The following MARCHF1 variants were observed in gnomAD, a reference collection of about 807,000 sequenced individuals.
MARCHF1 encodes the protein membrane associated ring-CH-type finger 1, also known as E3 ubiquitin-protein ligase MARCHF1.
A neutral mutation model predicts 54.2 loss-of-function variants in MARCHF1; 40 were observed. The observed-to-expected ratio is 0.74, with a 90% CI of 0.57 to 0.96. The LOEUF (loss-of-function observed/expected upper bound fraction) is 0.96. Among genes scored for constraint, MARCHF1 ranks in the 40% least tolerant of loss-of-function variants. The pLI, the probability that MARCHF1 is intolerant of heterozygous loss-of-function variation, is 0.00. For missense variants in MARCHF1, 586 were observed against 656.5 expected, an observed-to-expected ratio of 0.89 and a Z score of 1.17; for synonymous variants, 236 against 236.3, an observed-to-expected ratio of 1.00 and a Z score of 0.01.
At chr4:163,882,467 G>A (rs1196111471) in intron 3 of MARCHF1, among the ~76,000 whole-genome samples, 1 of 152,276 alleles carries the variant, frequency 6.6e-6, no homozygotes, top group South Asian at 2.1e-4. Flanking sequence ...TATGATATTA[G>A]GAGAGGGATT....
intron 1 of MARCHF1, among the ~76,000 whole-genome samples, chr4:164,247,876 C>G (rs1733002172): frequency 6.7e-6 from 1 of 149,712 alleles, no homozygotes; most frequent in Admixed American, 6.7e-5. Context: ...TTCAAGGGAG[C>G]AGAATTAGGC....
At chr4:163,768,339 T>C (rs1747052139) in intron 4 of MARCHF1, among the ~76,000 whole-genome samples, 2 of 152,194 alleles carry the variant, frequency 1.3e-5, no homozygotes, top group African/African-American at 4.8e-5. Context: ...CGTCTCTTGT[T>C]GAAAAGAACA....
chr4:163,539,070 G>T (rs548690136), intron 9 of MARCHF1, among the ~76,000 whole-genome samples: 3 of 151,762 alleles, frequency 2.0e-5, no homozygotes, highest in African/African-American at 7.3e-5. Context: ...ACCCAAGCTG[G>T]AGTGCAGTGG....
intron 1 of MARCHF1, among the ~76,000 whole-genome samples, chr4:164,368,762 A>T (rs1157812244): frequency 6.6e-6 from 1 of 152,234 alleles, no homozygotes; most frequent in Non-Finnish European, 1.5e-5. Context: ...TTCACAAGAA[A>T]ATAAATATGA....
intron 3 of MARCHF1, among the ~76,000 whole-genome samples, chr4:163,912,813 C>G (rs1751223932): frequency 6.6e-6 from 1 of 152,176 alleles, no homozygotes. Context: ...AAATGTATTT[C>G]TGCAGGAATA....
chr4:163,910,777 G>A (rs1417251617), intron 3 of MARCHF1, among the ~76,000 whole-genome samples: 2 of 152,186 alleles, frequency 1.3e-5, no homozygotes, highest in Non-Finnish European at 2.9e-5. Flanking sequence ...GATTACGGGC[G>A]TGAGCCACCA....
chr4:163,697,648 G>A (rs868075006), intron 5 of MARCHF1, among the ~76,000 whole-genome samples: 4 of 152,234 alleles, frequency 2.6e-5, no homozygotes, highest in South Asian at 2.1e-4. Flanking sequence ...CATTCTAGAT[G>A]GAGTCCTTTG....
At chr4:164,031,590 A>T (rs1420568080) in intron 2 of MARCHF1, among the ~76,000 whole-genome samples, 2 of 152,016 alleles carry the variant, frequency 1.3e-5, no homozygotes, top group Non-Finnish European at 2.9e-5. Flanking sequence ...TGAGATAATC[A>T]TGTGATTTTT....
intron 5 of MARCHF1, among the ~76,000 whole-genome samples, chr4:163,620,264 CA>C (rs1221803268): frequency 6.6e-6 from 1 of 152,076 alleles, no homozygotes; most frequent in Non-Finnish European, 1.5e-5. Context: ...TGATAATACC[CA>C]GTGTAGCCGA....
At position 164,176,974 on chromosome 4, in the gene MARCHF1, CTCT is replaced by C. The variant is rs1560940580; in HGVS notation, c.-322-65315_-322-65313del. ...TCTCTCTCTCTCTCTCTCTCTCTCT[CTCT>C]CTCTATATATATATATATATATATA... On this transcript the variant is annotated intron_variant, in intron 1 of 9. Coordinates refer to ENST00000514618, the MANE Select transcript of MARCHF1 (RefSeq NM_001394959.1). Among the ~76,000 whole-genome samples, 65 of 29,966 alleles carry C rather than the reference CTCT, an allele frequency of 2.2e-3. 5 individuals carry two copies. The highest frequency in any genetic ancestry group is 3.4e-3 in the South Asian group (3 of 874). 19.7% of individuals were successfully genotyped at this position (29,966 alleles called of 152,430 possible). A position where few individuals can be genotyped will look rare whatever the true frequency, so the allele number is the denominator to read the frequency against.
intron 3 of MARCHF1, among the ~76,000 whole-genome samples, chr4:163,914,961 T>C (rs1311678763): frequency 6.6e-6 from 1 of 152,124 alleles, no homozygotes. Flanking sequence ...GGGGCAGGGA[T>C]AGTGGCCAAA....
intron 2 of MARCHF1, among the ~76,000 whole-genome samples, chr4:164,067,168 A>G (rs1016450417): frequency 1.3e-5 from 2 of 152,188 alleles, no homozygotes; most frequent in Non-Finnish European, 2.9e-5. Context: ...ATATGGCCCA[A>G]AGAAATTCAC....
At chr4:164,277,389 T>C (rs1733915066) in intron 1 of MARCHF1, among the ~76,000 whole-genome samples, 1 of 152,236 alleles carries the variant, frequency 6.6e-6, no homozygotes, top group South Asian at 2.1e-4. Flanking sequence ...AAAGAGAAAT[T>C]CTACAATATA....
At chr4:163,777,012 A>G (rs762356475) in intron 4 of MARCHF1, among the ~76,000 whole-genome samples, 1 of 152,156 alleles carries the variant, frequency 6.6e-6, no homozygotes, top group Non-Finnish European at 1.5e-5. Flanking sequence ...TCTTTTGCAA[A>G]GAAAATAATT....
intron 5 of MARCHF1, among the ~76,000 whole-genome samples, chr4:163,648,868 C>A (rs1742860919): frequency 6.6e-6 from 1 of 151,786 alleles, no homozygotes; most frequent in Non-Finnish European, 1.5e-5. Flanking sequence ...AAATCCCTTT[C>A]CATCCTTCCC....
intron 4 of MARCHF1, among the ~76,000 whole-genome samples, chr4:163,805,302 G>A (rs1301845337): frequency 6.6e-6 from 1 of 151,758 alleles, no homozygotes; most frequent in East Asian, 1.9e-4. Context: ...AATTGTGCAT[G>A]CTTTTATGTT....
chr4:164,360,936 C>A (rs1376624039), intron 1 of MARCHF1, among the ~76,000 whole-genome samples: 1 of 150,400 alleles, frequency 6.6e-6, no homozygotes, highest in Non-Finnish European at 1.5e-5. Flanking sequence ...TAAAATGAAC[C>A]TACTGATATG....
intron 8 of MARCHF1, among the ~76,000 whole-genome samples, chr4:163,570,138 T>TA (rs1344892243): frequency 2.0e-5 from 3 of 152,134 alleles, no homozygotes; most frequent in Admixed American, 6.6e-5. Flanking sequence ...GAATGACTGA[T>TA]ATGCAAATTA....
At chr4:164,063,672 T>G (rs1160456625) in intron 2 of MARCHF1, among the ~76,000 whole-genome samples, 1 of 152,250 alleles carries the variant, frequency 6.6e-6, no homozygotes, top group African/African-American at 2.4e-5. Flanking sequence ...AGAGACATTT[T>G]CATTGTGCTT....
Sources: gnomAD v4.1 joint callset for allele counts (sites outside exome capture counted in the v4.1 genomes callset) on GRCh38, gnomAD v4.1.1 for gene constraint, MANE v1.5 for transcripts, NCBI Gene and HGNC (gene_info 2026-07-23, HGNC 2026-07-21) for gene names.